The following RIOK3 variants were observed in gnomAD, a reference collection of about 807,000 sequenced individuals.
The protein encoded by RIOK3 is RIO kinase 3, also known as serine/threonine-protein kinase RIO3.
Under a neutral mutation model 63.5 loss-of-function variants are expected in RIOK3, and 40 were observed. The observed-to-expected ratio is 0.63, with a 90% CI of 0.49 to 0.82. RIOK3 has a LOEUF of 0.82. RIOK3 is among the 40% of genes least tolerant of loss of function. The pLI is 0.00. For missense variants in RIOK3, 557 were observed against 637.0 expected (o/e 0.87, Z 1.35); for synonymous variants, 193 against 205.0 (o/e 0.94, Z 0.50).
At chr18:23,477,739 C>G (rs1214731709) in intron 11 of RIOK3, among the ~76,000 whole-genome samples, 2 of 147,008 alleles carry the variant, frequency 1.4e-5, no homozygotes, top group African/African-American at 5.1e-5. Flanking sequence ...CTCCACCCAG[C>G]CTGGGCAACA....
intron 1 of RIOK3, among the ~76,000 whole-genome samples, chr18:23,458,083 TTA>T (rs2145669249): frequency 6.6e-6 from 1 of 151,718 alleles, no homozygotes; most frequent in Admixed American, 6.6e-5. Context: ...TTTTTGTATT[TTA>T]GTGGAAATGG....
chr18:23,473,269 C>G (rs1220667019), intron 7 of RIOK3, among the ~76,000 whole-genome samples, 160 bp from the exon 8 acceptor site: 2 of 152,024 alleles, frequency 1.3e-5, no homozygotes, highest in Non-Finnish European at 2.9e-5. Context: ...AAACCAAAAC[C>G]TAAGGCTTTA....
At chr18:23,463,241 T>C in intron 2 of RIOK3, 162 bp downstream of exon 2, 1 of 527,836 alleles carries the variant, frequency 1.9e-6, no homozygotes, top group African/African-American at 1.9e-5. Flanking sequence ...TTGCATTGGT[T>C]TTCATTATTA....
chr18:23,472,365 A>G (rs1251521375), intron 7 of RIOK3, among the ~76,000 whole-genome samples: 1 of 152,238 alleles, frequency 6.6e-6, no homozygotes, highest in East Asian at 1.9e-4. Flanking sequence ...TTGAGACTAA[A>G]TGGAAGAGGA....
chr18:23,481,546 A>G lies in RIOK3; in HGVS notation c.*267A>G. ...ATCTGGCTGAAGTAGACCTAATTTT[A>G]TGTGACTTGTGGTGTAAAATGTCTT... On this transcript the variant is annotated 3_prime_UTR_variant, in exon 13 of 13. Coordinates refer to ENST00000339486, the MANE Select transcript of RIOK3 (RefSeq NM_003831.5). 3.2e-6 allele frequency: 1 copy of G among 313,692 alleles called. No homozygotes were observed. Among genetic ancestry groups the G allele is most frequent in the Non-Finnish European group, 5.8e-6 (1 of 172,424 alleles). The allele number at this position is 313,692 out of a possible 1,614,324, so 19.4% of individuals were successfully genotyped here.
chr18:23,475,176 T>G, intron 9 of RIOK3, 69 bp downstream of exon 9: 1 of 1,384,292 alleles, frequency 7.2e-7, no homozygotes, highest in Non-Finnish European at 9.9e-7. Flanking sequence ...TTTAAAAAAA[T>G]TTCCTTAAAG....
chr18:23,465,366 T>C (rs6507694), intron 5 of RIOK3, among the ~76,000 whole-genome samples: 152,050 of 152,272 alleles, frequency 1, 75,922 homozygotes, highest in Non-Finnish European at 1. Flanking sequence ...AGTGAAACTC[T>C]GCCTCAAAAA....
intron 7 of RIOK3, among the ~76,000 whole-genome samples, chr18:23,471,959 G>A (rs555768321): frequency 1.2e-4 from 18 of 152,156 alleles, no homozygotes; most frequent in Non-Finnish European, 2.4e-4. Context: ...TCGGCCAGGC[G>A]CGGTGGCTCA....
At chr18:23,463,502 C>T (rs1875410) in intron 2 of RIOK3, among the ~76,000 whole-genome samples, 45,854 of 151,184 alleles carry the variant, frequency 0.3, 7,315 homozygotes, top group East Asian at 0.39. Flanking sequence ...CTCCGTCTCC[C>T]GGGTTCAAGT....
chr18:23,468,619 C>T (rs1397657919), intron 7 of RIOK3, among the ~76,000 whole-genome samples: 1 of 152,070 alleles, frequency 6.6e-6, no homozygotes, highest in Admixed American at 6.6e-5. Context: ...ACTTAATATA[C>T]TCTAATATAA....
Position 23,475,042 on chromosome 18 carries a change from C to G in RIOK3, c.1108C>G (p.Pro370Ala). 1 of 1,612,910 alleles carries G rather than the reference C, an allele frequency of 6.2e-7. No individual in the cohort carries two copies. Among genetic ancestry groups the G allele is most frequent in the Non-Finnish European group, 8.5e-7 (1 of 1,179,184 alleles). The part of the protein sequence containing the change: ...SFIGHDQVPA[P>A]KLKEVKLNSE... Reference sequence around the variant, plus strand: ...TATTGGCCATGATCAAGTTCCAGCCCCTAAATTAAAAGAAGTAAAGCTCAA... The same window carrying G: ...TATTGGCCATGATCAAGTTCCAGCCGCTAAATTAAAAGAAGTAAAGCTCAA... Residue 370 changes from proline to alanine, a missense_variant, in exon 9 of 13, where the codon CCT becomes GCT. By Grantham distance (27) the Pro-to-Ala change is conservative. Transcript: ENST00000339486.
chr18:23,469,648 C>T (rs1026567655), intron 7 of RIOK3, among the ~76,000 whole-genome samples: 4 of 151,328 alleles, frequency 2.6e-5, no homozygotes, highest in East Asian at 1.9e-4. Context: ...CTACCATGCC[C>T]GGCTAATTTT....
At position 23,453,365 on chromosome 18, in the gene RIOK3, C is replaced by G; in HGVS notation, c.-75C>G. 8.0e-7 allele frequency: 1 copy of G among 1,248,068 alleles called. No homozygotes were observed. Among genetic ancestry groups the G allele is most frequent in the Non-Finnish European group, 1.2e-6 (1 of 851,050 alleles). The allele number at this position is 1,248,068 out of a possible 1,614,324, so 77.3% of individuals were successfully genotyped here. A position where few individuals can be genotyped will look rare whatever the true frequency, so the allele number is the denominator to read the frequency against. Reference sequence around the variant, plus strand: ...TCAGCAGCCAGTCGCCCGTGTCCCGCCTGTCTCCTCGGCGGAGCCTGCTGC... The same window carrying G: ...TCAGCAGCCAGTCGCCCGTGTCCCGGCTGTCTCCTCGGCGGAGCCTGCTGC... On this transcript the variant is annotated 5_prime_UTR_variant, in exon 1 of 13. Coordinates refer to ENST00000339486, the MANE Select transcript of RIOK3 (RefSeq NM_003831.5).
rs2057495665 is a variant in RIOK3, at chr18:23,477,021, T to C, written c.1189T>C (p.Tyr397His). The C allele has an allele frequency of 6.2e-7, 1 of 1,613,558 alleles. No individual in the cohort carries two copies. Among genetic ancestry groups the C allele is most frequent in the South Asian group, 1.1e-5 (1 of 91,056 alleles). Residue 397 changes from tyrosine to histidine, a missense_variant, in exon 10 of 13, where the codon TAT (tyrosine) becomes CAT (histidine). Physicochemically the swap from Tyr to His is moderately conservative, Grantham distance 83. This residue lies in a region of RIOK3 where 309 missense variants were observed against 338.7 expected (regional missense o/e 0.91). Coordinates refer to ENST00000339486, the MANE Select transcript of RIOK3 (RefSeq NM_003831.5). ...YQTLHLMRQL[Y>H]HECTLVHADL... The stretch of plus-strand genomic sequence containing the variant: ...CTCTTCACAGTTGATGCGGCAGTTA[T>C]ATCATGAATGTACGCTTGTCCATGC...
chr18:23,480,662 C>CTG (rs1195407214), intron 12 of RIOK3, among the ~76,000 whole-genome samples: 72 of 151,814 alleles, frequency 4.7e-4, no homozygotes, highest in African/African-American at 1.7e-3. Flanking sequence ...ATTACTGGCT[C>CTG]AGCCAGGCAT....
chr18:23,469,238 A>T (rs11663360), intron 7 of RIOK3, among the ~76,000 whole-genome samples: 2 of 150,900 alleles, frequency 1.3e-5, no homozygotes, highest in Admixed American at 6.6e-5. Flanking sequence ...GGTATTATAC[A>T]GGGGTGTGCA....
chr18:23,464,346 A>G (rs1457138468), intron 4 of RIOK3, 33 bp downstream of exon 4: 1 of 1,459,762 alleles, frequency 6.9e-7, no homozygotes, highest in Non-Finnish European at 9.6e-7. Context: ...GGGGCAGCAG[A>G]ATAGAGGTAT....
At chr18:23,453,619 G>C in intron 1 of RIOK3, 117 bp downstream of exon 1, 1 of 866,330 alleles carries the variant, frequency 1.2e-6, no homozygotes. Context: ...GGACCCCGCG[G>C]ACCTCGGCAA....
chr18:23,479,440 C>G lies in RIOK3; in HGVS notation c.1452+16C>G. The G allele has an allele frequency of 2.0e-6, 3 of 1,502,324 alleles. No homozygotes were observed. The East Asian group carries it at 6.8e-5, about 34-fold the overall frequency. The allele number at this position is 1,502,324 out of a possible 1,614,324, so 93.1% of individuals were successfully genotyped here. A position where few individuals can be genotyped will look rare whatever the true frequency, so the allele number is the denominator to read the frequency against. ...TTTAGCTGAGGTATGTGATAAACAG[C>G]TGTTTTTCACCTTGCTGGTCATGCA... is the stretch of plus-strand genomic sequence containing the variant. On this transcript the variant is annotated intron_variant, in intron 12 of 12. Coordinates refer to ENST00000339486, the MANE Select transcript of RIOK3 (RefSeq NM_003831.5).
Sources: gnomAD v4.1 joint callset for allele counts (sites outside exome capture counted in the v4.1 genomes callset) on GRCh38, gnomAD v4.1.1 for gene constraint, gnomAD v4.1.1 regional missense constraint, MANE v1.5 for transcripts, NCBI Gene and HGNC (gene_info 2026-07-23, HGNC 2026-07-21) for gene names.